The following RNF17 variants were observed in gnomAD, a reference collection of about 807,000 sequenced individuals.
RNF17 encodes the protein spermatogenesis associated 23.
A neutral mutation model predicts 200.5 loss-of-function variants in RNF17; 31 were observed. The ratio of observed to expected loss-of-function variants is 0.15; its 90% CI spans 0.12 to 0.21. The LOEUF (loss-of-function observed/expected upper bound fraction) is 0.21, where lower values mean the gene tolerates loss of function less well. Among genes scored for constraint, RNF17 ranks in the 10% least tolerant of loss-of-function variants. The pLI is 1.00. For missense variants in RNF17, 1,628 were observed against 1,905.1 expected, an observed-to-expected ratio of 0.85 and a Z score of 2.71; for synonymous variants, 606 against 637.8, an observed-to-expected ratio of 0.95 and a Z score of 0.75.
intron 12 of RNF17, 37 bp downstream of exon 12, chr13:24,799,621 A>G (rs1280714356): frequency 3.7e-6 from 5 of 1,364,036 alleles, no homozygotes; most frequent in Non-Finnish European, 4.1e-6. Flanking sequence ...TGGCCTGCTT[A>G]GAAACATTTT....
At chr13:24,885,827 C>A in the RNF17 span, 1 of 642,014 alleles carries the variant, frequency 1.6e-6, no homozygotes, top group Non-Finnish European at 2.8e-6. Flanking sequence ...TTGTAGTTCT[C>A]CGACACAGGT....
intron 22 of RNF17, among the ~76,000 whole-genome samples, chr13:24,848,193 T>C (rs1257863896): frequency 6.6e-6 from 1 of 152,242 alleles, no homozygotes; most frequent in African/African-American, 2.4e-5. Context: ...AAATATCTGC[T>C]GACTGTTGAG....
At chr13:24,763,234 G>A (rs934559507), upstream of RNF17, among the ~76,000 whole-genome samples, 1 of 144,118 alleles carries the variant, frequency 6.9e-6, no homozygotes, top group East Asian at 2.0e-4. Flanking sequence ...ACGCAGTCTC[G>A]CTCTGTCGCC....
chr13:24,866,424 C>T (rs1301479681), intron 30 of RNF17, among the ~76,000 whole-genome samples: 1 of 152,138 alleles, frequency 6.6e-6, no homozygotes, highest in Non-Finnish European at 1.5e-5. Context: ...AAGCCCTGTA[C>T]CAGCAGCAGT....
intron 3 of RNF17, among the ~76,000 whole-genome samples, chr13:24,776,559 T>C (rs1262325906): frequency 6.6e-6 from 1 of 152,192 alleles, no homozygotes; most frequent in Admixed American, 6.5e-5. Flanking sequence ...GAGATATGTG[T>C]AGAGTTATTA....
chr13:24,764,885 T>TG (rs200365898), intron 1 of RNF17, among the ~76,000 whole-genome samples: 43 of 99,666 alleles, frequency 4.3e-4, no homozygotes, highest in African/African-American at 1.8e-3. Flanking sequence ...GTGCACCTTG[T>TG]GGGGTGTGTG....
intron 15 of RNF17, among the ~76,000 whole-genome samples, chr13:24,818,000 G>A (rs902127755): frequency 6.6e-6 from 1 of 151,830 alleles, no homozygotes; most frequent in South Asian, 2.1e-4. Context: ...TTCTTAATTT[G>A]CAATATTTTA....
chr13:24,752,626 T>C, the RNF17 span, among the ~76,000 whole-genome samples: 51 of 152,324 alleles, frequency 3.3e-4, no homozygotes, highest in African/African-American at 1.1e-3. Flanking sequence ...AGGATGTCAT[T>C]TGGAGGAACA....
intron 22 of RNF17, among the ~76,000 whole-genome samples, chr13:24,847,448 C>T (rs11839813): frequency 0.2 from 29,693 of 151,408 alleles, 3,173 homozygotes; most frequent in South Asian, 0.32. Flanking sequence ...CAGATTCAAG[C>T]GATTCTCCCA....
intron 2 of RNF17, among the ~76,000 whole-genome samples, chr13:24,772,044 A>G (rs1880810472): frequency 6.6e-6 from 1 of 152,110 alleles, no homozygotes; most frequent in East Asian, 1.9e-4. Flanking sequence ...TAATTATTTT[A>G]TGTGTTATGT....
intron 23 of RNF17, 152 bp downstream of exon 23, chr13:24,850,595 C>G (rs1891772678): frequency 2.0e-6 from 1 of 511,588 alleles, no homozygotes; most frequent in East Asian, 3.1e-5. Flanking sequence ...AGGCATATAT[C>G]TTTTCAGACC....
intron 15 of RNF17, among the ~76,000 whole-genome samples, chr13:24,814,898 T>A (rs1887194089): frequency 6.6e-6 from 1 of 152,264 alleles, no homozygotes; most frequent in Non-Finnish European, 1.5e-5. Flanking sequence ...TATAGTATGA[T>A]ATTGAGTATG....
At chr13:24,758,894 C>T in the RNF17 span, among the ~76,000 whole-genome samples, 828 of 151,716 alleles carry the variant, frequency 5.5e-3, 8 homozygotes, top group African/African-American at 0.019. Flanking sequence ...TGGCCAACAT[C>T]GTGAAACCCC....
intron 2 of RNF17, among the ~76,000 whole-genome samples, chr13:24,767,600 T>C (rs1413791211): frequency 6.6e-6 from 1 of 151,914 alleles, no homozygotes; most frequent in Non-Finnish European, 1.5e-5. Context: ...ATACAAAAAT[T>C]TGCTGGACCT....
chr13:24,794,289 A>G (rs1884262236), intron 10 of RNF17: 2 of 449,516 alleles, frequency 4.4e-6, no homozygotes, highest in Non-Finnish European at 8.9e-6. Context: ...AGTTTACTGT[A>G]TGTGTAGTAA....
At chr13:24,750,397 T>C in the RNF17 span, among the ~76,000 whole-genome samples, 1,982 of 152,328 alleles carry the variant, frequency 0.013, 46 homozygotes, top group African/African-American at 0.046. Flanking sequence ...CATGCAACCA[T>C]CACTACAGTC....
At chr13:24,804,505 C>G in intron 15 of RNF17, 76 bp downstream of exon 15, 2 of 1,155,016 alleles carry the variant, frequency 1.7e-6, no homozygotes, top group Non-Finnish European at 2.4e-6. Flanking sequence ...GAATGAGTAT[C>G]TACCGTCAAT....
At chr13:24,858,110 T>C (rs1347754639) in intron 25 of RNF17, among the ~76,000 whole-genome samples, 6 of 152,174 alleles carry the variant, frequency 3.9e-5, no homozygotes, top group African/African-American at 1.4e-4. Flanking sequence ...CTTAGTGTCA[T>C]TGGCTCCTAA....
intron 20 of RNF17, 29 bp from the exon 21 acceptor site, chr13:24,844,623 G>A (rs371633573): frequency 1.4e-5 from 21 of 1,509,232 alleles, no homozygotes; most frequent in Non-Finnish European, 1.9e-5. Context: ...GAAAAGGTTT[G>A]GAAAGTTAAA....
Sources: gnomAD v4.1 joint callset for allele counts (sites outside exome capture counted in the v4.1 genomes callset) on GRCh38, gnomAD v4.1.1 for gene constraint, MANE v1.5 for transcripts, NCBI Gene and HGNC (gene_info 2026-07-23, HGNC 2026-07-21) for gene names.